The following RBFOX1 variants were observed in gnomAD, a reference collection of about 807,000 sequenced individuals.
The protein encoded by RBFOX1 is RNA binding fox-1 homolog 1.
A neutral mutation model predicts 57.7 loss-of-function variants in RBFOX1; 8 were observed. That is an observed-to-expected ratio of 0.14 (90% CI 0.08 to 0.25). RBFOX1 has a LOEUF of 0.25. Ranked by LOEUF, RBFOX1 falls within the 10% of genes least tolerant of loss-of-function variation. The probability of loss-of-function intolerance (pLI) is 1.00; values close to 1 mark genes in which losing one functional copy is unlikely to be tolerated. For missense variants in RBFOX1, 611 were observed against 548.5 expected, an observed-to-expected ratio of 1.11 and a Z score of -1.14; for synonymous variants, 326 against 222.4, an observed-to-expected ratio of 1.47 and a Z score of -4.15.
At chr16:6,825,771 C>T (rs1434428041) in intron 3 of RBFOX1, among the ~76,000 whole-genome samples, 1 of 152,086 alleles carries the variant, frequency 6.6e-6, no homozygotes, top group African/African-American at 2.4e-5. Flanking sequence ...GTCCTGAAGA[C>T]ACGCAGCTAA....
intron 3 of RBFOX1, among the ~76,000 whole-genome samples, chr16:6,718,772 C>G (rs1342320837): frequency 6.6e-6 from 1 of 152,190 alleles, no homozygotes; most frequent in African/African-American, 2.4e-5. Context: ...ATGAGTTAAA[C>G]TCACAACTAG....
At chr16:7,411,100 C>T (rs781612906) in intron 4 of RBFOX1, among the ~76,000 whole-genome samples, 2 of 152,054 alleles carry the variant, frequency 1.3e-5, no homozygotes, top group African/African-American at 2.4e-5. Flanking sequence ...CGTGAGCCAC[C>T]ATGCCTGACC....
At chr16:5,283,600 A>G (rs2063324093) in intron 1 of RBFOX1, among the ~76,000 whole-genome samples, 1 of 152,186 alleles carries the variant, frequency 6.6e-6, no homozygotes, top group Non-Finnish European at 1.5e-5. Context: ...ACATGGACTC[A>G]AAGGAGATCA....
intron 3 of RBFOX1, among the ~76,000 whole-genome samples, chr16:6,867,877 A>G (rs571380394): frequency 2.6e-5 from 4 of 152,264 alleles, no homozygotes; most frequent in South Asian, 4.2e-4. Context: ...TCAACGATGT[A>G]TTATATAGTC....
intron 2 of RBFOX1, among the ~76,000 whole-genome samples, chr16:6,514,876 TAAGG>T (rs2096341240): frequency 6.6e-6 from 1 of 151,160 alleles, no homozygotes; most frequent in African/African-American, 2.4e-5. Flanking sequence ...ATTATTTTAA[TAAGG>T]AGGAAGGGGA....
intron 1 of RBFOX1, among the ~76,000 whole-genome samples, chr16:6,285,236 G>A (rs1822119329): frequency 6.6e-6 from 1 of 152,164 alleles, no homozygotes; most frequent in Non-Finnish European, 1.5e-5. Context: ...AATATGTTAA[G>A]CTTAGTAGGA....
intron 2 of RBFOX1, among the ~76,000 whole-genome samples, chr16:5,500,263 C>T (rs1258065248): frequency 2.9e-5 from 4 of 138,774 alleles, no homozygotes; most frequent in South Asian, 4.8e-4. Flanking sequence ...TTCGTTTTTG[C>T]CCAGGCCGGA....
intron 4 of RBFOX1, among the ~76,000 whole-genome samples, chr16:7,090,218 C>T (rs879473897): frequency 1.7e-4 from 26 of 152,078 alleles, no homozygotes; most frequent in Non-Finnish European, 3.2e-4. Context: ...AATGAAGAGA[C>T]AAGGAGAGAC....
chr16:7,061,953 G>A (rs1369063515), intron 4 of RBFOX1, among the ~76,000 whole-genome samples: 3 of 152,106 alleles, frequency 2.0e-5, no homozygotes, highest in Non-Finnish European at 2.9e-5. Context: ...GCAAGTTTCA[G>A]TGGGAATGAG....
rs1225538161 is a variant in RBFOX1 at position 7,029,046 on chromosome 16, C to CTATA, written c.-15-22978_-15-22975dup. ...TAAGCATAAAACAGAAAAAAAAAAG[C>CTATA]TATATATATATATATATATATATAT... On this transcript the variant is annotated intron_variant, in intron 3 of 15. Coordinates refer to ENST00000550418, the MANE Select transcript of RBFOX1 (RefSeq NM_018723.4). Among the ~76,000 whole-genome samples the CTATA allele has an allele frequency of 7.3e-3, 329 of 45,090 alleles. 3 individuals carry two copies. The highest frequency in any genetic ancestry group is 9.6e-3 in the Non-Finnish European group (258 of 26,746). The allele number at this position is 45,090 out of a possible 152,430, so 29.6% of individuals were successfully genotyped here.
chr16:5,904,232 A>G (rs2058384750), intron 4 of RBFOX1, among the ~76,000 whole-genome samples: 1 of 151,938 alleles, frequency 6.6e-6, no homozygotes, highest in Non-Finnish European at 1.5e-5. Context: ...AATTCTTCCC[A>G]CTGTGAAAAA....
At chr16:5,983,108 C>T (rs190648523) in intron 4 of RBFOX1, among the ~76,000 whole-genome samples, 2 of 152,302 alleles carry the variant, frequency 1.3e-5, no homozygotes, top group East Asian at 3.9e-4. Context: ...ACCTGCATCT[C>T]CGTCTCTCCA....
intron 3 of RBFOX1, among the ~76,000 whole-genome samples, chr16:6,763,343 C>T (rs2076897044): frequency 6.6e-6 from 1 of 152,006 alleles, no homozygotes; most frequent in Non-Finnish European, 1.5e-5. Flanking sequence ...CTTGTAAGCC[C>T]ATCACCAGTG....
intron 2 of RBFOX1, among the ~76,000 whole-genome samples, chr16:6,327,695 A>G (rs1167204440): frequency 6.6e-6 from 1 of 152,192 alleles, no homozygotes; most frequent in Non-Finnish European, 1.5e-5. Context: ...TGACATGATA[A>G]TGTCCAAGAA....
intron 2 of RBFOX1, among the ~76,000 whole-genome samples, chr16:6,408,597 T>A (rs17439057): frequency 0.13 from 19,985 of 152,192 alleles, 1,904 homozygotes; most frequent in Non-Finnish European, 0.2. Context: ...AGAGTGTCTA[T>A]GAAGTGTCCT....
chr16:6,491,208 G>C (rs1216945271), intron 2 of RBFOX1, among the ~76,000 whole-genome samples: 1 of 151,218 alleles, frequency 6.6e-6, no homozygotes, highest in East Asian at 1.9e-4. Context: ...ACTATATATA[G>C]ATATATAGTT....
At chr16:7,434,885 A>T (rs1316337427) in intron 4 of RBFOX1, among the ~76,000 whole-genome samples, 3 of 151,988 alleles carry the variant, frequency 2.0e-5, no homozygotes, top group Non-Finnish European at 4.4e-5. Context: ...GATTACAGAC[A>T]TGCACCACCA....
intron 5 of RBFOX1, among the ~76,000 whole-genome samples, chr16:7,562,824 C>G (rs1025920539): frequency 6.6e-5 from 10 of 152,248 alleles, no homozygotes; most frequent in Admixed American, 1.3e-4. Flanking sequence ...GCAAGAAACA[C>G]TCTATGCCCA....
chr16:7,437,487 A>G (rs1373755790), intron 4 of RBFOX1, among the ~76,000 whole-genome samples: 1 of 152,202 alleles, frequency 6.6e-6, no homozygotes, highest in East Asian at 1.9e-4. Flanking sequence ...CGTTCCATGC[A>G]GTGTGTTTTT....
Sources: gnomAD v4.1 joint callset for allele counts (sites outside exome capture counted in the v4.1 genomes callset) on GRCh38, gnomAD v4.1.1 for gene constraint, MANE v1.5 for transcripts, NCBI Gene and HGNC (gene_info 2026-07-23, HGNC 2026-07-21) for gene names.